Variants in GRIK4 observed in about 807,000 individuals in gnomAD.
GRIK4 encodes the protein glutamate receptor ionotropic, kainate 4.
A neutral mutation model predicts 104.9 loss-of-function variants in GRIK4; 40 were observed. The ratio of observed to expected loss-of-function variants is 0.38; its 90% CI spans 0.30 to 0.50. GRIK4 has a LOEUF of 0.50. Among genes scored for constraint, GRIK4 ranks in the 20% least tolerant of loss-of-function variants. The pLI, the probability that GRIK4 is intolerant of heterozygous loss-of-function variation, is 0.93. For synonymous variants in GRIK4, 485 were observed against 524.9 expected (o/e 0.92, Z 1.04); for missense variants, 1,047 against 1,308.1 (o/e 0.80, Z 3.08).
intron 13 of GRIK4, among the ~76,000 whole-genome samples, chr11:120,909,357 T>C (rs940248504): frequency 1.3e-5 from 2 of 152,224 alleles, no homozygotes; most frequent in African/African-American, 2.4e-5. Context: ...TCAAGAAGTA[T>C]ATGTTTGCTA....
At chr11:120,740,478 G>A (rs903168683) in intron 3 of GRIK4, among the ~76,000 whole-genome samples, 2 of 152,148 alleles carry the variant, frequency 1.3e-5, no homozygotes, top group African/African-American at 2.4e-5. Context: ...GAGCTGTCCC[G>A]TGGCCCTGTC....
intron 1 of GRIK4, among the ~76,000 whole-genome samples, chr11:120,588,425 T>C (rs1376510886): frequency 6.6e-6 from 1 of 152,188 alleles, no homozygotes; most frequent in Non-Finnish European, 1.5e-5. Flanking sequence ...GTGGGCCCTC[T>C]ATGGTCTCAA....
At chr11:120,589,651 C>T (rs1167065786) in intron 1 of GRIK4, among the ~76,000 whole-genome samples, 1 of 152,160 alleles carries the variant, frequency 6.6e-6, no homozygotes, top group Non-Finnish European at 1.5e-5. Flanking sequence ...TTCCTTGGCT[C>T]CTAAGGGAAC....
chr11:120,609,927 T>A (rs1949012730), intron 1 of GRIK4, among the ~76,000 whole-genome samples: 3 of 152,232 alleles, frequency 2.0e-5, no homozygotes, highest in Admixed American at 2.0e-4. Flanking sequence ...ACTAACCTGC[T>A]GTGTGATCTT....
At chr11:120,708,466 A>G (rs1339625406) in intron 3 of GRIK4, among the ~76,000 whole-genome samples, 1 of 152,152 alleles carries the variant, frequency 6.6e-6, no homozygotes, top group Non-Finnish European at 1.5e-5. Flanking sequence ...CTTAACAGCC[A>G]GGCAGAGACG....
chr11:120,635,393 C>G (rs900820559), intron 1 of GRIK4, among the ~76,000 whole-genome samples: 2 of 152,214 alleles, frequency 1.3e-5, no homozygotes, highest in African/African-American at 2.4e-5. Context: ...TCCTGCGTGC[C>G]GCAGTCACCC....
chr11:120,864,229 A>G (rs2135641261), intron 9 of GRIK4, among the ~76,000 whole-genome samples: 1 of 149,310 alleles, frequency 6.7e-6, no homozygotes, highest in South Asian at 2.1e-4. Flanking sequence ...TTATTTATTT[A>G]TTTATTTATT....
At chr11:120,515,643 T>G (rs1179455576) in intron 1 of GRIK4, among the ~76,000 whole-genome samples, 2 of 152,346 alleles carry the variant, frequency 1.3e-5, no homozygotes, top group East Asian at 3.9e-4. Flanking sequence ...TGACACCTTT[T>G]CACATTCTCT....
Position 120,986,403 on chromosome 11 carries a change from A to G in GRIK4, c.*143A>G. ...GATCCAGTCACTTTTCAAAAAGATC[A>G]AGGAGCCTGACGCCCCAGCCAGAGA... On this transcript the variant is annotated 3_prime_UTR_variant, in exon 21 of 21. Coordinates refer to ENST00000527524, the MANE Select transcript of GRIK4 (RefSeq NM_014619.5). The G allele has an allele frequency of 8.8e-7, 1 of 1,136,300 alleles. No homozygotes were observed. The allele number at this position is 1,136,300 out of a possible 1,614,324, so 70.4% of individuals were successfully genotyped here.
intron 3 of GRIK4, among the ~76,000 whole-genome samples, chr11:120,690,370 A>G (rs560946731): frequency 9.2e-5 from 14 of 152,258 alleles, no homozygotes; most frequent in South Asian, 6.2e-4. Flanking sequence ...GCACATCTCT[A>G]TTGTCCAGCC....
At chr11:120,770,408 C>T (rs1348502083) in intron 3 of GRIK4, among the ~76,000 whole-genome samples, 2 of 152,202 alleles carry the variant, frequency 1.3e-5, no homozygotes, top group Non-Finnish European at 2.9e-5. Flanking sequence ...AAACACGTTA[C>T]CTCTTTTAGT....
chr11:120,560,273 A>G (rs1393936814), intron 1 of GRIK4, among the ~76,000 whole-genome samples: 1 of 151,908 alleles, frequency 6.6e-6, no homozygotes, highest in Non-Finnish European at 1.5e-5. Flanking sequence ...GCTGGTCTCA[A>G]ACTCCCGACC....
At chr11:120,947,990 GAATT>G (rs2134673398) in intron 14 of GRIK4, among the ~76,000 whole-genome samples, 2 of 152,338 alleles carry the variant, frequency 1.3e-5, no homozygotes, top group South Asian at 4.2e-4. Context: ...ACGTGGATAG[GAATT>G]AATTACTTGC....
chr11:120,966,486 C>G (rs1459957366), intron 18 of GRIK4, among the ~76,000 whole-genome samples: 2 of 152,228 alleles, frequency 1.3e-5, no homozygotes, highest in African/African-American at 2.4e-5. Flanking sequence ...ATTCTTCTGT[C>G]TCAGCCTCCT....
At chr11:120,901,765 T>C (rs1942743956) in intron 12 of GRIK4, among the ~76,000 whole-genome samples, 1 of 152,038 alleles carries the variant, frequency 6.6e-6, no homozygotes, top group South Asian at 2.1e-4. Context: ...GTGCTTGGAG[T>C]TCTGGCACAG....
At chr11:120,847,097 A>C (rs530929482) in intron 8 of GRIK4, among the ~76,000 whole-genome samples, 4 of 152,362 alleles carry the variant, frequency 2.6e-5, no homozygotes, top group Non-Finnish European at 5.9e-5. Flanking sequence ...GCTAATGTCC[A>C]TGACAACATT....
chr11:120,715,924 A>G (rs1370937055), intron 3 of GRIK4, among the ~76,000 whole-genome samples: 1 of 152,164 alleles, frequency 6.6e-6, no homozygotes. Flanking sequence ...TGGAAAGCAC[A>G]GTGGATTCCA....
chr11:120,877,772 G>A (rs895717967), intron 11 of GRIK4, among the ~76,000 whole-genome samples: 5 of 152,110 alleles, frequency 3.3e-5, no homozygotes, highest in Middle Eastern at 3.2e-3. Flanking sequence ...TACAGCGGAG[G>A]AACAGTTAGG....
At chr11:120,636,466 C>T (rs1476958041) in intron 1 of GRIK4, among the ~76,000 whole-genome samples, 1 of 152,210 alleles carries the variant, frequency 6.6e-6, no homozygotes, top group Non-Finnish European at 1.5e-5. Flanking sequence ...TTGCCCAGGG[C>T]TTCTCTTGAT....
Sources: allele counts gnomAD v4.1 joint callset (sites outside exome capture counted in the v4.1 genomes callset), GRCh38; gene constraint gnomAD v4.1.1; transcripts MANE v1.5; gene names NCBI Gene and HGNC (gene_info 2026-07-23, HGNC 2026-07-21).